Variants in ARHGAP35 observed in about 807,000 individuals in gnomAD.
The protein encoded by ARHGAP35 is rho GTPase-activating protein 35.
Under a neutral mutation model 111.1 loss-of-function variants are expected in ARHGAP35, and 15 were observed. The ratio of observed to expected loss-of-function variants is 0.13; its 90% CI spans 0.09 to 0.21. The LOEUF (loss-of-function observed/expected upper bound fraction) is 0.21, where lower values mean the gene tolerates loss of function less well. Ranked by LOEUF, ARHGAP35 falls within the 10% of genes least tolerant of loss-of-function variation. The pLI is 1.00. For missense variants in ARHGAP35, 1,262 were observed against 1,873.0 expected (o/e 0.67, Z 6.02); for synonymous variants, 643 against 710.3 (o/e 0.91, Z 1.51).
At chr19:46,877,475 A>C (rs1489368203) in intron 1 of ARHGAP35, among the ~76,000 whole-genome samples, 7 of 151,786 alleles carry the variant, frequency 4.6e-5, no homozygotes, top group Non-Finnish European at 1.0e-4. Context: ...GAGTCAGGAG[A>C]ATCACTTGAA....
chr19:46,989,717 A>G lies in ARHGAP35; in HGVS notation c.4036+42A>G. On this transcript the variant is annotated intron_variant, in intron 5 of 6. Coordinates refer to ENST00000672722, the MANE Select transcript of ARHGAP35 (RefSeq NM_004491.5). This position sits in a 1 kb window ranked among gnomAD's most constrained non-coding sequence, Gnocchi z 5.3. ...CAGTGTTGGGCGGATTGAGGGAGAA[A>G]GGGCTTGGCACTGGAAGAATAGGTC... 5 of 1,611,410 alleles carry G rather than the reference A, an allele frequency of 3.1e-6. No homozygotes were observed. Among genetic ancestry groups the G allele is most frequent in the Middle Eastern group, 1.7e-4 (1 of 6,048 alleles).
rs1054177393 is a variant in ARHGAP35, at chr19:46,905,564, C to A, written c.-188-12924C>A. Reference sequence around the variant, plus strand: ...CTAATTTTTGTATTCCACCCCCCCCCCCCAAGACAGAGTCTTACTCTGTCA... The same window carrying A: ...CTAATTTTTGTATTCCACCCCCCCCACCCAAGACAGAGTCTTACTCTGTCA... On this transcript the variant is annotated intron_variant, in intron 1 of 6. Transcript: ENST00000672722. Among the ~76,000 whole-genome samples, 22 of 148,360 alleles carry A rather than the reference C, an allele frequency of 1.5e-4. No individual in the cohort carries two copies. In the East Asian group the frequency reaches 3.2e-3, roughly 22 times the overall value.
chr19:46,897,400 A>G (rs1273422254), intron 1 of ARHGAP35, among the ~76,000 whole-genome samples: 1 of 150,788 alleles, frequency 6.6e-6, no homozygotes, highest in Non-Finnish European at 1.5e-5. Flanking sequence ...GGCCATAAGT[A>G]TAGTTTTAGT....
chr19:46,882,431 C>A (rs2055967403), intron 1 of ARHGAP35, among the ~76,000 whole-genome samples: 1 of 152,166 alleles, frequency 6.6e-6, no homozygotes, highest in Non-Finnish European at 1.5e-5. Flanking sequence ...AGCCACTACA[C>A]CCTGCCAAAA....
At chr19:46,909,121 G>A (rs981002194) in intron 1 of ARHGAP35, among the ~76,000 whole-genome samples, 2 of 152,092 alleles carry the variant, frequency 1.3e-5, no homozygotes, top group African/African-American at 2.4e-5. Context: ...GTAACATAGT[G>A]AGACCTCATC....
At chr19:46,862,523 C>T (rs1284785802) in intron 1 of ARHGAP35, among the ~76,000 whole-genome samples, 4 of 152,106 alleles carry the variant, frequency 2.6e-5, no homozygotes, top group Admixed American at 6.5e-5. Context: ...CACCCATCCC[C>T]TTCCTGTTCT....
chr19:46,970,302 A>G (rs922707608), intron 3 of ARHGAP35, among the ~76,000 whole-genome samples: 3 of 152,190 alleles, frequency 2.0e-5, no homozygotes, highest in Non-Finnish European at 1.5e-5. Context: ...TACAAGAGCC[A>G]TCCTTGGTGT....
At chr19:46,967,404 C>T (rs1005623083) in intron 3 of ARHGAP35, among the ~76,000 whole-genome samples, 2 of 152,128 alleles carry the variant, frequency 1.3e-5, no homozygotes, top group Non-Finnish European at 2.9e-5. Context: ...ACCAGTCAAC[C>T]TCATCAGTCA....
chr19:47,001,030 G>T lies in ARHGAP35; in HGVS notation c.*342G>T, dbSNP rs925233865. The stretch of plus-strand genomic sequence containing the variant: ...TCCCTCTGCTTGTACAGAGCCCATG[G>T]TCGGGACAGTGCCCTGGCCTTTGCC... On this transcript the variant is annotated 3_prime_UTR_variant, in exon 7 of 7. Transcript: ENST00000672722. This position sits in a 1 kb window ranked among gnomAD's most constrained non-coding sequence, Gnocchi z 5.4. The T allele has an allele frequency of 5.6e-6, 8 of 1,421,322 alleles. No individual in the cohort carries two copies. Among genetic ancestry groups the T allele is most frequent in the Non-Finnish European group, 7.5e-6 (8 of 1,073,630 alleles). The allele number at this position is 1,421,322 out of a possible 1,614,324, so 88.0% of individuals were successfully genotyped here. A position where few individuals can be genotyped will look rare whatever the true frequency, so the allele number is the denominator to read the frequency against.
chr19:46,940,142 G>A (rs2056337609), intron 3 of ARHGAP35, among the ~76,000 whole-genome samples: 3 of 151,704 alleles, frequency 2.0e-5, no homozygotes, highest in African/African-American at 4.8e-5. Context: ...AGGCTGAGGC[G>A]GAAGATCAGG....
At chr19:46,890,891 G>T (rs1429666281) in intron 1 of ARHGAP35, among the ~76,000 whole-genome samples, 1 of 152,240 alleles carries the variant, frequency 6.6e-6, no homozygotes, top group Non-Finnish European at 1.5e-5. Flanking sequence ...CAGAGGGTGT[G>T]TAATACTGGA....
rs2056185522 is a variant in ARHGAP35 at position 46,919,662 on chromosome 19, G to A, written c.987G>A (p.Lys329=). 1.2e-6 allele frequency: 2 copies of A among 1,613,816 alleles called. No homozygotes were observed. The highest frequency in any genetic ancestry group is 8.5e-7 in the Non-Finnish European group (1 of 1,179,878). The part of the protein sequence containing the change: ...KLFLQHIHRL[K]HEHIERRRKL... Reference sequence around the variant, plus strand: ...TTCTACAGCACATCCACCGCCTCAAGCATGAGCATATCGAGCGTAGGAGAA... The same window carrying A: ...TTCTACAGCACATCCACCGCCTCAAACATGAGCATATCGAGCGTAGGAGAA... Residue 329 remains lysine (K), a synonymous_variant, in exon 2 of 7, where the codon AAG becomes AAA. Coordinates refer to ENST00000672722, the MANE Select transcript of ARHGAP35 (RefSeq NM_004491.5). This position sits in a 1 kb window ranked among gnomAD's most constrained non-coding sequence, Gnocchi z 6.2.
Position 47,001,308 on chromosome 19 carries a change from C to T in ARHGAP35, c.*620C>T, listed in dbSNP as rs528176394. ...TGGACCCAGAGAGTGTGGGACTCCC[C>T]GCTTCATCCCCACCGTCCCACTCCA... On this transcript the variant is annotated 3_prime_UTR_variant, in exon 7 of 7. Coordinates refer to ENST00000672722, the MANE Select transcript of ARHGAP35 (RefSeq NM_004491.5). This position sits in a 1 kb window ranked among gnomAD's most constrained non-coding sequence, Gnocchi z 5.4. 9 of 1,290,334 alleles carry T rather than the reference C, an allele frequency of 7.0e-6. No homozygotes were observed. The highest frequency in any genetic ancestry group is 1.1e-4 in the East Asian group (2 of 18,042). The allele number at this position is 1,290,334 out of a possible 1,614,324, so 79.9% of individuals were successfully genotyped here.
At chr19:46,879,763 G>GATGA (rs1210185449) in intron 1 of ARHGAP35, among the ~76,000 whole-genome samples, 3 of 149,800 alleles carry the variant, frequency 2.0e-5, no homozygotes, top group Non-Finnish European at 1.5e-5. Flanking sequence ...CAGCCTGGGT[G>GATGA]GCAGAACTAG....
chr19:46,981,168 C>G (rs145093795), intron 3 of ARHGAP35, among the ~76,000 whole-genome samples: 14 of 152,358 alleles, frequency 9.2e-5, no homozygotes, highest in African/African-American at 3.4e-4. Context: ...GTTTCCTTCT[C>G]TCCCTGAGTG....
At chr19:46,884,845 A>G (rs1232564621) in intron 1 of ARHGAP35, among the ~76,000 whole-genome samples, 2 of 152,088 alleles carry the variant, frequency 1.3e-5, no homozygotes, top group Non-Finnish European at 2.9e-5. Flanking sequence ...CTCCTGCCTC[A>G]GCTGAGACTA....
chr19:46,981,575 A>T (rs1156287242), intron 3 of ARHGAP35, among the ~76,000 whole-genome samples: 1 of 152,186 alleles, frequency 6.6e-6, no homozygotes, highest in Admixed American at 6.5e-5. Flanking sequence ...ACCTGTTTGG[A>T]TATTTCAGAA....
rs531198028 is a variant in ARHGAP35, at chr19:46,992,140, C to T, written c.4036+2465C>T. On this transcript the variant is annotated intron_variant, in intron 5 of 6. Transcript: ENST00000672722. The surrounding 1 kb of genome is among the most constrained non-coding windows in gnomAD (Gnocchi z 4.4). ...ACCGCACCGCCCATGGCCTGTGTGC[C>T]TGCCTAGGCTGGGCCCGGCTCTCCA... 4.6e-5 allele frequency among the ~76,000 whole-genome samples: 7 copies of T among 152,346 alleles called. No homozygotes were observed. In the East Asian group the frequency reaches 1.3e-3, roughly 29 times the overall value.
At chr19:46,975,521 T>C (rs2056575254) in intron 3 of ARHGAP35, among the ~76,000 whole-genome samples, 1 of 152,190 alleles carries the variant, frequency 6.6e-6, no homozygotes, top group South Asian at 2.1e-4. Context: ...ATACATGGTT[T>C]ATTAGTTAAT....
Sources: gnomAD v4.1 joint callset for allele counts (sites outside exome capture counted in the v4.1 genomes callset) on GRCh38, gnomAD v4.1.1 for gene constraint, Gnocchi (gnomAD v3.1) non-coding constraint, MANE v1.5 for transcripts, NCBI Gene and HGNC (gene_info 2026-07-23, HGNC 2026-07-21) for gene names.